The following ERBB4 variants were observed in gnomAD, a reference collection of about 807,000 sequenced individuals.
The protein encoded by ERBB4 is receptor tyrosine-protein kinase erbB-4.
In ERBB4, 42 loss-of-function variants were observed where a neutral mutation model predicts 158.0. The ratio of observed to expected loss-of-function variants is 0.27; its 90% confidence interval spans 0.21 to 0.34. The LOEUF (loss-of-function observed/expected upper bound fraction) is 0.34. ERBB4 is among the 10% of genes least tolerant of loss of function. ERBB4 has a pLI of 1.00. For synonymous variants in ERBB4, 583 were observed against 558.7 expected, an observed-to-expected ratio of 1.04 and a Z score of -0.61; for missense variants, 1,333 against 1,624.1, an observed-to-expected ratio of 0.82 and a Z score of 3.08.
At chr2:212,274,307 C>G (rs2085448133) in intron 1 of ERBB4, among the ~76,000 whole-genome samples, 1 of 151,834 alleles carries the variant, frequency 6.6e-6, no homozygotes, top group Non-Finnish European at 1.5e-5. Flanking sequence ...TCACTAGTGA[C>G]ACTTCATATG....
At chr2:212,333,449 C>A (rs1012483963) in intron 1 of ERBB4, among the ~76,000 whole-genome samples, 8 of 150,650 alleles carry the variant, frequency 5.3e-5, no homozygotes, top group Non-Finnish European at 1.0e-4. Flanking sequence ...GAGGCCAAGG[C>A]AGGAGAACTG....
At position 211,619,290 on chromosome 2, in the gene ERBB4, A is replaced by AT. The variant is rs768142055; in HGVS notation, c.2203-16dup. 7.0e-7 allele frequency: 1 copy of AT among 1,434,016 alleles called. No individual in the cohort carries two copies. Among genetic ancestry groups the AT allele is most frequent in the Non-Finnish European group, 9.8e-7 (1 of 1,016,224 alleles). The allele number at this position is 1,434,016 out of a possible 1,614,324, so 88.8% of individuals were successfully genotyped here. On this transcript the variant is annotated splice_polypyrimidine_tract_variant and intron_variant, in intron 18 of 27. Transcript: ENST00000342788. ...ACCCAAATACCCTTTGGGGAAAAAA[A>AT]TTTACATTAAATATGACATCTCAAC...
chr2:211,766,475 G>A (rs372117109), intron 4 of ERBB4, among the ~76,000 whole-genome samples: 40 of 152,274 alleles, frequency 2.6e-4, no homozygotes, highest in African/African-American at 9.4e-4. Flanking sequence ...GTTATGAAAA[G>A]GGAAAGCTGA....
intron 20 of ERBB4, among the ~76,000 whole-genome samples, chr2:211,520,672 C>T (rs2066162816): frequency 2.0e-5 from 3 of 152,030 alleles, no homozygotes; most frequent in South Asian, 4.1e-4. Context: ...TTCTTTCTAC[C>T]GTGCTTTAGT....
chr2:211,822,288 G>A (rs1237383876), intron 3 of ERBB4, among the ~76,000 whole-genome samples: 1 of 151,830 alleles, frequency 6.6e-6, no homozygotes, highest in Non-Finnish European at 1.5e-5. Context: ...TAGCTAGAAG[G>A]AGAATATTGA....
chr2:211,727,384 A>C lies in ERBB4; in HGVS notation c.623-2190T>G, dbSNP rs557965313. Among the ~76,000 whole-genome samples the C allele has an allele frequency of 2.2e-3, 335 of 152,214 alleles. 5 individuals carry two copies. Among genetic ancestry groups the C allele is most frequent in the African/African-American group, 7.7e-3 (320 of 41,536 alleles). ...CTCACCCCAACTAACCTATGGGTTT[A>C]TTGAAGTTTATTGTCTTACTTAAGT... On this transcript the variant is annotated intron_variant, in intron 5 of 27. Coordinates refer to ENST00000342788, the MANE Select transcript of ERBB4 (RefSeq NM_005235.3).
intron 1 of ERBB4, among the ~76,000 whole-genome samples, chr2:212,235,882 G>A (rs1049580247): frequency 6.6e-5 from 10 of 152,164 alleles, no homozygotes; most frequent in African/African-American, 1.7e-4. Context: ...ACACGAAGGC[G>A]TTTTCTAAAT....
At position 211,947,417 on chromosome 2, in the gene ERBB4, A is replaced by T. The variant is rs748566685; in HGVS notation, c.421+13T>A. On this transcript the variant is annotated intron_variant, in intron 3 of 27. Coordinates refer to ENST00000342788, the MANE Select transcript of ERBB4 (RefSeq NM_005235.3). ...AATGAAAGCATATTTGCCATTTTGG[A>T]TATATTCCTTACCTGTCAAGTTCTT... is the stretch of plus-strand genomic sequence containing the variant. 1.2e-6 allele frequency: 2 copies of T among 1,607,194 alleles called. No individual in the cohort carries two copies. The highest frequency in any genetic ancestry group is 2.2e-5 in the South Asian group (2 of 90,888).
At chr2:212,277,540 C>T (rs977452913) in intron 1 of ERBB4, among the ~76,000 whole-genome samples, 6 of 151,688 alleles carry the variant, frequency 4.0e-5, no homozygotes, top group South Asian at 2.1e-4. Flanking sequence ...CAATAAATAC[C>T]CAGATCTTTT....
At position 212,144,397 on chromosome 2, in the gene ERBB4, A is replaced by T. The variant is rs182257413; in HGVS notation, c.83-19494T>A. On this transcript the variant is annotated intron_variant, in intron 1 of 27. Transcript: ENST00000342788. ...AGTTATTTTTTCTGGAAAATGTTTT[A>T]AAAATAATCAAAACATAGTTTAAAT... Among the ~76,000 whole-genome samples the T allele has an allele frequency of 1.1e-3, 170 of 152,300 alleles. 1 individual carries two copies. Among genetic ancestry groups the T allele is most frequent in the Non-Finnish European group, 1.8e-3 (124 of 68,026 alleles).
At chr2:212,391,296 A>C (rs2090846407) in intron 1 of ERBB4, among the ~76,000 whole-genome samples, 1 of 151,758 alleles carries the variant, frequency 6.6e-6, no homozygotes, top group South Asian at 2.1e-4. Flanking sequence ...GATTAACAGA[A>C]GTATAAATCA....
At chr2:212,435,643 A>C (rs1024666962) in intron 1 of ERBB4, among the ~76,000 whole-genome samples, 10 of 151,942 alleles carry the variant, frequency 6.6e-5, no homozygotes, top group African/African-American at 2.2e-4. Flanking sequence ...TAAAAGCTAA[A>C]CTTTATCATG....
chr2:211,708,258 A>G lies in ERBB4; in HGVS notation c.1125-2867T>C, dbSNP rs547288907. Among the ~76,000 whole-genome samples the G allele has an allele frequency of 3.9e-5, 6 of 152,294 alleles. No individual in the cohort carries two copies. In the East Asian group the frequency reaches 1.2e-3, roughly 29 times the overall value. ...TATGTTTCATGCTGGCATGACAGTGAGAATAAAGAATACATCATAATTCAT... is the reference window on the plus strand; with the variant it reads ...TATGTTTCATGCTGGCATGACAGTGGGAATAAAGAATACATCATAATTCAT... On this transcript the variant is annotated intron_variant, in intron 9 of 27. Transcript: ENST00000342788.
intron 1 of ERBB4, among the ~76,000 whole-genome samples, chr2:212,223,383 T>C (rs978972244): frequency 3.8e-4 from 56 of 146,976 alleles, no homozygotes; most frequent in African/African-American, 1.4e-3. Flanking sequence ...GATATATACC[T>C]ATATTTATAT....
At chr2:212,026,143 AT>A (rs1442741965) in intron 2 of ERBB4, among the ~76,000 whole-genome samples, 6 of 151,788 alleles carry the variant, frequency 4.0e-5, no homozygotes, top group Non-Finnish European at 8.9e-5. Flanking sequence ...GGTCACGGGA[AT>A]TTTTTTAAGG....
rs567202508 is a variant in ERBB4 at position 211,413,044 on chromosome 2, C to A, written c.3135+7397G>T. 1.1e-4 allele frequency among the ~76,000 whole-genome samples: 16 copies of A among 151,852 alleles called. No homozygotes were observed. In the East Asian group the frequency reaches 3.1e-3, roughly 29 times the overall value. On this transcript the variant is annotated intron_variant, in intron 25 of 27. Coordinates refer to ENST00000342788, the MANE Select transcript of ERBB4 (RefSeq NM_005235.3). ...AGTGCTGTGGCTCACGCTTGTAATC[C>A]TAGTGCTTTGGGAGGCCAAGGAGGG...
intron 19 of ERBB4, among the ~76,000 whole-genome samples, chr2:211,604,327 A>G (rs1851195): frequency 0.91 from 137,798 of 152,200 alleles, 62,408 homozygotes; most frequent in Admixed American, 0.94. Context: ...TTCTTTAAAC[A>G]GTGAAACTGA....
intron 19 of ERBB4, among the ~76,000 whole-genome samples, chr2:211,570,532 G>GAA (rs71054112): frequency 2.3e-4 from 34 of 146,162 alleles, no homozygotes; most frequent in South Asian, 2.2e-4. Flanking sequence ...TCTGGGCAGG[G>GAA]AAAAAAAAAA....
chr2:211,457,161 T>C (rs1222986254), intron 20 of ERBB4, among the ~76,000 whole-genome samples: 1 of 152,174 alleles, frequency 6.6e-6, no homozygotes, highest in Non-Finnish European at 1.5e-5. Flanking sequence ...CTCTTCACAC[T>C]ATACCATGTG....
Sources: gnomAD v4.1 joint callset for allele counts (sites outside exome capture counted in the v4.1 genomes callset) on GRCh38, gnomAD v4.1.1 for gene constraint, MANE v1.5 for transcripts, NCBI Gene and HGNC (gene_info 2026-07-23, HGNC 2026-07-21) for gene names.